The following CPZ variants were observed in gnomAD, a reference collection of about 807,000 sequenced individuals.
CPZ encodes carboxypeptidase Z.
In CPZ, 103 loss-of-function variants were observed where a neutral mutation model predicts 61.8. The ratio of observed to expected loss-of-function variants is 1.67; its 90% CI spans 1.42 to 1.96. The LOEUF (loss-of-function observed/expected upper bound fraction) is 1.96, where lower values mean the gene tolerates loss of function less well. Ranked by LOEUF, CPZ falls within the 30% of genes most tolerant of loss-of-function variation. CPZ has a pLI of 0.00. For missense variants in CPZ, 1,461 were observed against 914.9 expected, an observed-to-expected ratio of 1.60 and a Z score of -7.70; for synonymous variants, 551 against 373.7, an observed-to-expected ratio of 1.47 and a Z score of -5.47.
intron 7 of CPZ, among the ~76,000 whole-genome samples, chr4:8,608,953 G>A (rs1424398309): frequency 7.0e-6 from 1 of 143,392 alleles, no homozygotes; most frequent in African/African-American, 2.6e-5. Flanking sequence ...TGGGCCACCG[G>A]CGCATTTGTC....
chr4:8,619,287 G>C lies in CPZ; in HGVS notation c.1629G>C (p.Leu543=), dbSNP rs765332989. The C allele has an allele frequency of 1.2e-6, 2 of 1,612,980 alleles. No homozygotes were observed. Among genetic ancestry groups the C allele is most frequent in the South Asian group, 2.2e-5 (2 of 90,830 alleles). The part of the protein sequence containing the change: ...TTAPDGDYWR[L]LPPGIHIVIA... ...CCCCAGATGGTGACTACTGGAGACTGCTGCCCCCAGGTATCCACATTGTCA... is the reference window on the plus strand; with the variant it reads ...CCCCAGATGGTGACTACTGGAGACTCCTGCCCCCAGGTATCCACATTGTCA... Residue 543 remains leucine, a synonymous_variant, in exon 11 of 11, where the codon CTG becomes CTC. Coordinates refer to ENST00000360986, the MANE Select transcript of CPZ (RefSeq NM_001014447.3).
At chr4:8,608,438 C>A (rs1715241295) in intron 7 of CPZ, among the ~76,000 whole-genome samples, 1 of 152,224 alleles carries the variant, frequency 6.6e-6, no homozygotes, top group Non-Finnish European at 1.5e-5. Context: ...TCTGAGGCCA[C>A]CCGGCCGAGC....
rs556472209 is a variant in CPZ, at chr4:8,609,297, T to C, written c.1227+1872T>C. ...TTCACACACTAATTTTCTCAGTCAT[T>C]CATCCATTCACTCATGCACTTATTC... is the stretch of plus-strand genomic sequence containing the variant. On this transcript the variant is annotated intron_variant, in intron 7 of 10. Transcript: ENST00000360986. 6.3e-5 allele frequency among the ~76,000 whole-genome samples: 9 copies of C among 143,902 alleles called. No individual in the cohort carries two copies. In the East Asian group the frequency reaches 1.5e-3, roughly 24 times the overall value. The allele number at this position is 143,902 out of a possible 152,430, so 94.4% of individuals were successfully genotyped here.
At chr4:8,607,122 G>A (rs544926957) in intron 6 of CPZ, 145 bp from the exon 7 acceptor site, 97 of 1,108,594 alleles carry the variant, frequency 8.7e-5, no homozygotes, top group Non-Finnish European at 1.2e-4. Flanking sequence ...GCCCAGTGAT[G>A]GGGGCCGAGT....
In CPZ at chr4:8,614,340, C is replaced by G. The variant is rs146519770; in HGVS notation, c.1364-19C>G. On this transcript the variant is annotated intron_variant, in intron 8 of 10. Coordinates refer to ENST00000360986, the MANE Select transcript of CPZ (RefSeq NM_001014447.3). ...GTGCGGCTGACACCCCTGACGTCCCCGCTGTCTCTGTGCCACAGGCATGTC... is the reference window on the plus strand; with the variant it reads ...GTGCGGCTGACACCCCTGACGTCCCGGCTGTCTCTGTGCCACAGGCATGTC... The G allele has an allele frequency of 1.8e-5, 29 of 1,605,712 alleles. 3 individuals carry two copies. The highest frequency in any genetic ancestry group is 5.6e-5 in the African/African-American group (4 of 72,022).
intron 7 of CPZ, among the ~76,000 whole-genome samples, chr4:8,609,867 A>AG (rs1715505520): frequency 6.6e-6 from 1 of 152,188 alleles, no homozygotes; most frequent in African/African-American, 2.4e-5. Context: ...TGGGTTTGGC[A>AG]GGGGAGCATG....
chr4:8,593,418 C>A (rs1048767258), intron 1 of CPZ, among the ~76,000 whole-genome samples: 1 of 152,012 alleles, frequency 6.6e-6, no homozygotes, highest in African/African-American at 2.4e-5. Context: ...GGGGCGTGGG[C>A]CCCCTGGAGG....
chr4:8,599,591 T>C (rs776781355), intron 2 of CPZ, 106 bp downstream of exon 2: 6 of 1,549,460 alleles, frequency 3.9e-6, no homozygotes. Context: ...AAGTGGGTAA[T>C]GGATAACACA....
intron 10 of CPZ, among the ~76,000 whole-genome samples, chr4:8,618,735 G>C (rs528670439): frequency 6.6e-6 from 1 of 152,322 alleles, no homozygotes; most frequent in Non-Finnish European, 1.5e-5. Flanking sequence ...AGCTTGCCCA[G>C]CCGTAGCTAC....
At chr4:8,614,047 A>G (rs981740780) in intron 8 of CPZ, among the ~76,000 whole-genome samples, 1 of 152,236 alleles carries the variant, frequency 6.6e-6, no homozygotes, top group Admixed American at 6.5e-5. Flanking sequence ...TGAGCTCAAG[A>G]TGCAGCTCTG....
chr4:8,594,775 C>CT (rs35276800), intron 1 of CPZ, among the ~76,000 whole-genome samples: 5 of 141,748 alleles, frequency 3.5e-5, no homozygotes, highest in African/African-American at 1.0e-4. Flanking sequence ...ATAACAAATT[C>CT]TTTTTTTTTT....
intron 1 of CPZ, among the ~76,000 whole-genome samples, chr4:8,593,748 C>T (rs193179196): frequency 1.4e-3 from 217 of 152,286 alleles, no homozygotes; most frequent in African/African-American, 4.7e-3. Context: ...CTGAGCCCTG[C>T]GAGTGGATGT....
rs562108815 is a variant in CPZ at position 8,612,379 on chromosome 4, G to A, written c.1363+217G>A. 1.8e-3 allele frequency among the ~76,000 whole-genome samples: 276 copies of A among 152,298 alleles called. 1 individual carries two copies. The highest frequency in any genetic ancestry group is 6.1e-3 in the African/African-American group (252 of 41,544). On this transcript the variant is annotated intron_variant, in intron 8 of 10. Coordinates refer to ENST00000360986, the MANE Select transcript of CPZ (RefSeq NM_001014447.3). ...TGACTGTTGTGGAGGACCCAGGCCCGTGGCTCCTGTAGTTTATTTCATGAA... is the reference window on the plus strand; with the variant it reads ...TGACTGTTGTGGAGGACCCAGGCCCATGGCTCCTGTAGTTTATTTCATGAA...
At chr4:8,607,674 C>T (rs975763040) in intron 7 of CPZ, among the ~76,000 whole-genome samples, 19 of 152,198 alleles carry the variant, frequency 1.2e-4, no homozygotes, top group Non-Finnish European at 2.5e-4. Context: ...CACATGTCCC[C>T]GTCTGGGAGC....
Position 8,601,343 on chromosome 4 carries a change from G to C in CPZ, c.342G>C (p.Val114=). 6.2e-7 allele frequency: 1 copy of C among 1,605,468 alleles called. No homozygotes were observed. The highest frequency in any genetic ancestry group is 1.1e-5 in the South Asian group (1 of 90,570). Residue 114 remains valine, a synonymous_variant, in exon 3 of 11, where the codon GTG becomes GTC. Transcript: ENST00000360986. Reference sequence around the variant, plus strand: ...CCCCCCGGTGTGAGGGCGGCTGGGTGCGCAGACCCTGCCGGCACATCTGCG... The same window carrying C: ...CCCCCCGGTGTGAGGGCGGCTGGGTCCGCAGACCCTGCCGGCACATCTGCG... ...VLAPRCEGGW[V]RRPCRHICEG...
In CPZ at chr4:8,609,232, TGTC is replaced by T. The variant is rs1159803534; in HGVS notation, c.1227+1808_1227+1810del. On this transcript the variant is annotated intron_variant, in intron 7 of 10. Coordinates refer to ENST00000360986, the MANE Select transcript of CPZ (RefSeq NM_001014447.3). ...CTTACTCATTCACTTACTCACTCAT[TGTC>T]ACTCATTCACTCATCACTCACTCAT... Among the ~76,000 whole-genome samples the T allele has an allele frequency of 4.4e-3, 622 of 140,044 alleles. 11 individuals carry two copies. Among genetic ancestry groups the T allele is most frequent in the African/African-American group, 0.016 (551 of 33,548 alleles). 91.9% of individuals were successfully genotyped at this position (140,044 alleles called of 152,430 possible).
At position 8,612,069 on chromosome 4, in the gene CPZ, A is replaced by G; in HGVS notation, c.1270A>G (p.Met424Val). Residue 424 changes from methionine (M) to valine (V), a missense_variant, in exon 8 of 11, where the codon ATG becomes GTG. Coordinates refer to ENST00000360986, the MANE Select transcript of CPZ (RefSeq NM_001014447.3). ...LSRAYADVHP[M>V]MMDRSENRCG... The stretch of plus-strand genomic sequence containing the variant: ...CAGAGCCTACGCTGACGTCCACCCC[A>G]TGATGATGGACAGGTCGGAGAATAG... The G allele has an allele frequency of 6.2e-7, 1 of 1,613,070 alleles. No homozygotes were observed. The highest frequency in any genetic ancestry group is 8.5e-7 in the Non-Finnish European group (1 of 1,179,434).
chr4:8,608,872 T>G (rs1031914465), intron 7 of CPZ, among the ~76,000 whole-genome samples: 11 of 152,150 alleles, frequency 7.2e-5, no homozygotes, highest in African/African-American at 2.7e-4. Context: ...CCATGCCGAG[T>G]GCTGTGGCCC....
intron 10 of CPZ, 78 bp from the exon 11 acceptor site, chr4:8,619,183 CA>C: frequency 3.9e-6 from 5 of 1,277,164 alleles, no homozygotes; most frequent in Non-Finnish European, 5.4e-6. Flanking sequence ...AACCTCTCCC[CA>C]CTCATATCCA....
Sources: gnomAD v4.1 joint callset for allele counts (sites outside exome capture counted in the v4.1 genomes callset) on GRCh38, gnomAD v4.1.1 for gene constraint, MANE v1.5 for transcripts, NCBI Gene and HGNC (gene_info 2026-07-23, HGNC 2026-07-21) for gene names.